The following PLPP2 variants were observed in gnomAD, a reference collection of about 807,000 sequenced individuals.
PLPP2 encodes the protein phospholipid phosphatase 2.
A neutral mutation model predicts 35.2 loss-of-function variants in PLPP2; 29 were observed. The ratio of observed to expected loss-of-function variants is 0.82; its 90% CI spans 0.61 to 1.12. The LOEUF (loss-of-function observed/expected upper bound fraction) is 1.12. PLPP2 is among the 50% of genes most tolerant of loss of function. The pLI is 0.00. For missense variants in PLPP2, 353 were observed against 375.2 expected (o/e 0.94, Z 0.49); for synonymous variants, 162 against 167.0 (o/e 0.97, Z 0.23).
At chr19:289,455 C>T (rs1304637320) in intron 1 of PLPP2, among the ~76,000 whole-genome samples, 1 of 152,188 alleles carries the variant, frequency 6.6e-6, no homozygotes, top group African/African-American at 2.4e-5. Flanking sequence ...GCAGGCCCGG[C>T]GTGGTGGCTC....
intron 1 of PLPP2, among the ~76,000 whole-genome samples, chr19:290,758 C>G (rs1970372818): frequency 6.6e-6 from 1 of 152,174 alleles, no homozygotes; most frequent in Admixed American, 6.5e-5. Context: ...CAGTGTCTCC[C>G]CCGCCCGAGC....
intron 3 of PLPP2, chr19:285,725 G>A (rs1279350529): frequency 6.6e-6 from 1 of 151,722 alleles, no homozygotes; most frequent in Non-Finnish European, 1.5e-5. Flanking sequence ...CACTTTGGGA[G>A]GCCAGGGTGG....
At chr19:290,003 G>A (rs1600086601) in intron 1 of PLPP2, among the ~76,000 whole-genome samples, 1 of 152,126 alleles carries the variant, frequency 6.6e-6, no homozygotes. Flanking sequence ...CCCCCATAAC[G>A]ACAGGCGCCG....
Position 287,479 on chromosome 19 carries a change from C to G in PLPP2, c.477G>C (p.Glu159Asp). 6.2e-7 allele frequency: 1 copy of G among 1,607,662 alleles called. No homozygotes were observed. The highest frequency in any genetic ancestry group is 8.5e-7 in the Non-Finnish European group (1 of 1,175,098). ...GGCTGCTGGTCCACACCCACCTGGC[C>G]TCGGTGACATCAGCAGGGTTTCCCC... ...VCRGNPADVT[E>D]ARLSFYSGHS... The change falls in exon 3 of 6, where the codon GAG becomes GAC. Residue 159 changes from glutamate to aspartate, a missense_variant. Coordinates refer to ENST00000434325, the MANE Select transcript of PLPP2 (RefSeq NM_003712.4). This position sits in a 1 kb window ranked among gnomAD's most constrained non-coding sequence, Gnocchi z 4.3.
rs1970309060 is a variant in PLPP2 at position 288,161 on chromosome 19, G to C, written c.63C>G (p.Pro21=). ...CGTTCACCAGCGTCAGGATAGCGAA[G>C]GGCAGGGAGGCTGGTGGGGAAGAAA... ...DVLCLLVASL[P]FAILTLVNAP... The change falls in exon 2 of 6, where the codon CCC becomes CCG. Residue 21 remains proline, a synonymous_variant. Transcript: ENST00000434325. 6.3e-7 allele frequency: 1 copy of C among 1,581,050 alleles called. No individual in the cohort carries two copies. Among genetic ancestry groups the C allele is most frequent in the Non-Finnish European group, 8.6e-7 (1 of 1,159,110 alleles).
Position 287,333 on chromosome 19 carries a change from C to T in PLPP2, c.482+141G>A. The stretch of plus-strand genomic sequence containing the variant: ...TGAACTTCAAAAACATACAAGAATG[C>T]ACTAACTTATACAAAAATTAGCCGG... On this transcript the variant is annotated intron_variant, in intron 3 of 5. Transcript: ENST00000434325. This position sits in a 1 kb window ranked among gnomAD's most constrained non-coding sequence, Gnocchi z 4.3. 9.9e-7 allele frequency: 1 copy of T among 1,010,786 alleles called. No individual in the cohort carries two copies. The highest frequency in any genetic ancestry group is 1.4e-6 in the Non-Finnish European group (1 of 690,946). 62.6% of individuals were successfully genotyped at this position (1,010,786 alleles called of 1,614,324 possible). A position where few individuals can be genotyped will look rare whatever the true frequency, so the allele number is the denominator to read the frequency against.
Position 291,370 on chromosome 19 carries a change from G to C in PLPP2, c.-34C>G. Reference sequence around the variant, plus strand: ...CGACCCCCGACGCCGGTCCCAGCGCGTCCCGTCGCGTCCCGGCCCGGCCGC... The same window carrying C: ...CGACCCCCGACGCCGGTCCCAGCGCCTCCCGTCGCGTCCCGGCCCGGCCGC... On this transcript the variant is annotated 5_prime_UTR_variant, in exon 1 of 6. Transcript: ENST00000434325. 6.3e-7 allele frequency: 1 copy of C among 1,575,802 alleles called. No homozygotes were observed. Among genetic ancestry groups the C allele is most frequent in the Non-Finnish European group, 8.6e-7 (1 of 1,162,670 alleles).
In PLPP2 at chr19:282,295, G is replaced by A. The variant is rs1448539808; in HGVS notation, c.556C>T (p.Arg186Ter). ...AGCCGTGCCCACTTCCAACAGAGTCGTGCCTGCACATACAGCTGGAGTGGG... is the reference window on the plus strand; with the variant it reads ...AGCCGTGCCCACTTCCAACAGAGTCATGCCTGCACATACAGCTGGAGTGGG... ...MVFLALYVQA[R>*]LCWKWARLLR... The change falls in exon 5 of 6, where the codon CGA becomes TGA. Residue 186 changes from arginine to a stop codon, truncating the protein, a stop_gained. Coordinates refer to ENST00000434325, the MANE Select transcript of PLPP2 (RefSeq NM_003712.4). LOFTEE classifies it high-confidence loss of function. The A allele has an allele frequency of 3.7e-6, 6 of 1,613,548 alleles. No individual in the cohort carries two copies. The highest frequency in any genetic ancestry group is 1.1e-5 in the South Asian group (1 of 91,082).
rs773098451 is a variant in PLPP2, at chr19:287,597, A to G, written c.359T>C (p.Ile120Thr). Residue 120 changes from isoleucine to threonine, a missense_variant, in exon 3 of 6, where the codon ATT becomes ACT. Physicochemically the swap from Ile to Thr is moderately conservative, Grantham distance 89. Transcript: ENST00000434325. This position sits in a 1 kb window ranked among gnomAD's most constrained non-coding sequence, Gnocchi z 4.3. ...TAGGAAGTTGGGCCTCAGACGCCCA[A>G]TCATGTACTTGGCCAGGTCTGTCAG... ...QSLTDLAKYMIGRLRPNFLAV... is the reference protein window; with the variant it reads ...QSLTDLAKYMTGRLRPNFLAV... 2.5e-6 allele frequency: 4 copies of G among 1,613,880 alleles called. No homozygotes were observed. Among genetic ancestry groups the G allele is most frequent in the South Asian group, 2.2e-5 (2 of 91,086 alleles).
At chr19:285,201 G>A (rs1045366241) in intron 3 of PLPP2, 2 of 151,038 alleles carry the variant, frequency 1.3e-5, no homozygotes, top group Admixed American at 1.3e-4. Context: ...GGGAGGCCGA[G>A]GCGGGTGGAT....
At chr19:291,240 G>C (rs776771527) in intron 1 of PLPP2, 45 bp downstream of exon 1, 1 of 1,597,158 alleles carries the variant, frequency 6.3e-7, no homozygotes, top group South Asian at 1.1e-5. Flanking sequence ...GGGCGTGTCC[G>C]TCCCGGGAGG....
chr19:283,147 G>A (rs1600077829), intron 3 of PLPP2: 1 of 244,160 alleles, frequency 4.1e-6, no homozygotes, highest in Non-Finnish European at 7.8e-6. Flanking sequence ...GCGGAACTGA[G>A]GGAAGACTTA....
rs187241385 is a variant in PLPP2 at position 289,751 on chromosome 19, G to A, written c.52+1534C>T. Among the ~76,000 whole-genome samples, 35 of 152,196 alleles carry A rather than the reference G, an allele frequency of 2.3e-4. 2 individuals carry two copies. The East Asian group carries it at 3.5e-3, about 15-fold the overall frequency. ...CCAGGGCCTGGAGGCAGGGCAGGAC[G>A]GCGGAGAGGGCGGGATGTAAGAACC... On this transcript the variant is annotated intron_variant, in intron 1 of 5. Coordinates refer to ENST00000434325, the MANE Select transcript of PLPP2 (RefSeq NM_003712.4).
Position 281,477 on chromosome 19 carries a change from C to T in PLPP2, c.778G>A (p.Glu260Lys). 6.4e-7 allele frequency: 1 copy of T among 1,556,280 alleles called. No individual in the cohort carries two copies. The highest frequency in any genetic ancestry group is 1.4e-5 in the African/African-American group (1 of 72,660). The change falls in exon 6 of 6, where the codon GAG becomes AAG. Residue 260 changes from glutamate to lysine, a missense_variant. By Grantham distance (56) the Glu-to-Lys change is moderately conservative. Transcript: ENST00000434325. Reference sequence around the variant, plus strand: ...GACAGGCTGGGCTTCCGTTCCAGCTCCTCCTCCTTCAGACAGTGCTGTGGG... The same window carrying T: ...GACAGGCTGGGCTTCCGTTCCAGCTTCTCCTCCTTCAGACAGTGCTGTGGG... ...RPPQHCLKEE[E>K]LERKPSLSLT...
chr19:282,656 C>T, intron 4 of PLPP2, 96 bp downstream of exon 4: 1 of 1,327,426 alleles, frequency 7.5e-7, no homozygotes, highest in Non-Finnish European at 1.1e-6. Context: ...ACCACCACTA[C>T]CCACCCATTT....
Position 282,021 on chromosome 19 carries a change from G to A in PLPP2, c.717+113C>T, listed in dbSNP as rs1970183400. 1.5e-5 allele frequency: 18 copies of A among 1,211,934 alleles called. No individual in the cohort carries two copies. In the South Asian group the frequency reaches 2.2e-4, roughly 15 times the overall value. 75.1% of individuals were successfully genotyped at this position (1,211,934 alleles called of 1,614,324 possible). On this transcript the variant is annotated intron_variant, in intron 5 of 5. Transcript: ENST00000434325. ...AGGGGTCCCAGGGAGGACTGACAGG[G>A]AGGAGGCCCAAGGAAGGACTCAGTG...
chr19:290,562 G>C (rs1600087223), intron 1 of PLPP2, among the ~76,000 whole-genome samples: 1 of 152,158 alleles, frequency 6.6e-6, no homozygotes, highest in Non-Finnish European at 1.5e-5. Context: ...AGAATTCCAG[G>C]GCCATTGTCT....
intron 1 of PLPP2, among the ~76,000 whole-genome samples, chr19:290,024 G>A (rs544690211): frequency 7.5e-4 from 114 of 152,190 alleles, no homozygotes; most frequent in Middle Eastern, 3.4e-3. Context: ...GGCTTCCCTC[G>A]GCCTGGAAAG....
At chr19:284,627 AAAAT>A (rs1049328783) in intron 3 of PLPP2, 4 of 152,204 alleles carry the variant, frequency 2.6e-5, no homozygotes, top group African/African-American at 9.7e-5. Context: ...GAAAAAAGTA[AAAAT>A]AAATAAATAC....
Sources: gnomAD v4.1 joint callset for allele counts (sites outside exome capture counted in the v4.1 genomes callset) on GRCh38, gnomAD v4.1.1 for gene constraint, Gnocchi (gnomAD v3.1) non-coding constraint, MANE v1.5 for transcripts, NCBI Gene and HGNC (gene_info 2026-07-23, HGNC 2026-07-21) for gene names.